The following ZDHHC8 variants were observed in gnomAD, a reference collection of about 807,000 sequenced individuals.
ZDHHC8 encodes zDHHC palmitoyltransferase 8, also known as palmitoyltransferase ZDHHC8.
In ZDHHC8, 24 loss-of-function variants were observed where a neutral mutation model predicts 61.2. That is an observed-to-expected ratio of 0.39 (90% CI 0.28 to 0.55). ZDHHC8 has a LOEUF of 0.55. Ranked by LOEUF, ZDHHC8 falls within the 20% of genes least tolerant of loss-of-function variation. The pLI is 0.60. For synonymous variants in ZDHHC8, 523 were observed against 492.5 expected (o/e 1.06, Z -0.82); for missense variants, 935 against 1,102.1 (o/e 0.85, Z 2.15).
intron 10 of ZDHHC8, among the ~76,000 whole-genome samples, chr22:20,144,555 A>C (rs527991262): frequency 6.0e-4 from 91 of 152,340 alleles, no homozygotes; most frequent in Middle Eastern, 3.4e-3. Flanking sequence ...AGCCCAGCCC[A>C]GGCCACTTGG....
rs1188312119 is a variant in ZDHHC8 at position 20,143,258 on chromosome 22, A to G, written c.1628A>G (p.Asn543Ser). 3 of 1,606,238 alleles carry G rather than the reference A, an allele frequency of 1.9e-6. No homozygotes were observed. The highest frequency in any genetic ancestry group is 1.7e-5 in the Admixed American group (1 of 59,926). ...GAGCCCTCGCCTGTGCGCTACGACA[A>G]CCTGTCCAGGACCATCATGGCATCC... ...PREPSPVRYD[N>S]LSRTIMASIQ... is the part of the protein sequence containing the mutation. Residue 543 changes from asparagine to serine, a missense_variant, in exon 10 of 11, where the codon AAC becomes AGC. Physicochemically the swap from Asn to Ser is conservative, Grantham distance 46. Coordinates refer to ENST00000334554, the MANE Select transcript of ZDHHC8 (RefSeq NM_013373.4).
Position 20,139,650 on chromosome 22 carries a change from G to GCCCCGCGCTC in ZDHHC8, c.384+20_384+29dup. ...ACTGTGTAGAGGTGACCGCCCTGCT[G>GCCCCGCGCTC]CCCCGCGCTCCCCCAGCCCTGTGCC... is the stretch of plus-strand genomic sequence containing the variant. On this transcript the variant is annotated intron_variant, in intron 3 of 10. Transcript: ENST00000334554. 1 of 1,611,676 alleles carries GCCCCGCGCTC rather than the reference G, an allele frequency of 6.2e-7. No homozygotes were observed. The highest frequency in any genetic ancestry group is 8.5e-7 in the Non-Finnish European group (1 of 1,179,686).
chr22:20,140,044 G>A (rs1219784976), intron 4 of ZDHHC8, 71 bp from the exon 5 acceptor site: 3 of 1,595,684 alleles, frequency 1.9e-6, no homozygotes, highest in African/African-American at 2.7e-5. Flanking sequence ...TTTGTCCACA[G>A]GCACCTGCTC....
chr22:20,142,598 T>C (rs2050479862), intron 9 of ZDHHC8, among the ~76,000 whole-genome samples, 158 bp from the exon 10 acceptor site: 2 of 152,142 alleles, frequency 1.3e-5, no homozygotes, highest in South Asian at 4.1e-4. Flanking sequence ...CAGCCGTGGA[T>C]GCTCAGGGAC....
Position 20,135,843 on chromosome 22 carries a change from G to A in ZDHHC8, c.105-3351G>A, listed in dbSNP as rs569707498. ...AGGGCGCAGCAGCTTCTGCCCCGCC[G>A]GTCCCGAGCGCCCCACGGGCGAGTG... On this transcript the variant is annotated intron_variant, in intron 1 of 10. Transcript: ENST00000334554. Among the ~76,000 whole-genome samples the A allele has an allele frequency of 2.5e-3, 383 of 152,384 alleles. 4 individuals carry two copies. The highest frequency in any genetic ancestry group is 8.9e-3 in the African/African-American group (370 of 41,594).
chr22:20,142,926 C>T lies in ZDHHC8; in HGVS notation c.1296C>T (p.Ser432=). 1.9e-6 allele frequency: 3 copies of T among 1,605,886 alleles called. No individual in the cohort carries two copies. The highest frequency in any genetic ancestry group is 2.6e-6 in the Non-Finnish European group (3 of 1,175,618). ...ATGCCTTCTCGGGCGCTTTGCGCTC[C>T]CTGAGCCTCAAGGCCTCGAGCCGGC... ...ASDAFSGALR[S]LSLKASSRRG... is the part of the protein sequence containing the mutation. The change falls in exon 10 of 11, where the codon TCC becomes TCT. Residue 432 remains serine (S), a synonymous_variant. Coordinates refer to ENST00000334554, the MANE Select transcript of ZDHHC8 (RefSeq NM_013373.4).
intron 5 of ZDHHC8, 160 bp downstream of exon 5, chr22:20,140,377 C>T (rs2050457575): frequency 6.1e-6 from 5 of 815,864 alleles, no homozygotes; most frequent in Non-Finnish European, 9.5e-6. Context: ...CTACGCCTGC[C>T]CCGTCCCCTG....
intron 1 of ZDHHC8, among the ~76,000 whole-genome samples, chr22:20,138,903 C>T (rs942297184): frequency 9.2e-5 from 14 of 151,506 alleles, no homozygotes; most frequent in African/African-American, 3.1e-4. Context: ...GAGCCTAGGT[C>T]GCTGGAATGG....
chr22:20,143,600 G>A lies in ZDHHC8; in HGVS notation c.1970G>A (p.Gly657Glu). 1 of 1,601,712 alleles carries A rather than the reference G, an allele frequency of 6.2e-7. No homozygotes were observed. Among genetic ancestry groups the A allele is most frequent in the Non-Finnish European group, 8.5e-7 (1 of 1,178,394 alleles). The change falls in exon 10 of 11, where the codon GGG (glycine) becomes GAG (glutamate). Residue 657 changes from glycine (G) to glutamate (E), a missense_variant. This residue lies in a region of ZDHHC8 where 692 missense variants were observed against 731.4 expected (regional missense o/e 0.95). Transcript: ENST00000334554. ...QADQASSNAP[G>E]PRPSSGSHRS... The stretch of plus-strand genomic sequence containing the variant: ...GATCAGGCCAGCAGCAACGCCCCGG[G>A]GCCCCGGCCCAGCAGTGGCTCACAC...
At position 20,147,065 on chromosome 22, in the gene ZDHHC8, A is replaced by G; in HGVS notation, c.*1665A>G. The G allele has an allele frequency of 6.7e-7, 1 of 1,483,168 alleles. No individual in the cohort carries two copies. Among genetic ancestry groups the G allele is most frequent in the Non-Finnish European group, 9.0e-7 (1 of 1,116,502 alleles). 91.9% of individuals were successfully genotyped at this position (1,483,168 alleles called of 1,614,324 possible). ...ACCCGTGGATGGGGGCGGCGTGGCC[A>G]GCCTTGGGTGCCTCCTGGGCTGCAC... On this transcript the variant is annotated 3_prime_UTR_variant, in exon 11 of 11. Coordinates refer to ENST00000334554, the MANE Select transcript of ZDHHC8 (RefSeq NM_013373.4).
chr22:20,146,600 T>C lies in ZDHHC8; in HGVS notation c.*1200T>C, dbSNP rs2050527281. ...GTTCCTCAGGGGCATTTCTGCCGAC[T>C]TGGGCTGAGTCAGAGGCTTGGGAAG... On this transcript the variant is annotated 3_prime_UTR_variant, in exon 11 of 11. Transcript: ENST00000334554. 3.0e-6 allele frequency: 3 copies of C among 998,010 alleles called. No homozygotes were observed. The highest frequency in any genetic ancestry group is 2.4e-6 in the Non-Finnish European group (2 of 838,740). The allele number at this position is 998,010 out of a possible 1,614,324, so 61.8% of individuals were successfully genotyped here. A position where few individuals can be genotyped will look rare whatever the true frequency, so the allele number is the denominator to read the frequency against.
Position 20,139,715 on chromosome 22 carries a change from C to T in ZDHHC8, c.385-5C>T. 1.2e-6 allele frequency: 2 copies of T among 1,612,184 alleles called. No homozygotes were observed. The highest frequency in any genetic ancestry group is 1.7e-6 in the Non-Finnish European group (2 of 1,180,004). On this transcript the variant is annotated splice_region_variant and splice_polypyrimidine_tract_variant and intron_variant, in intron 3 of 10. Coordinates refer to ENST00000334554, the MANE Select transcript of ZDHHC8 (RefSeq NM_013373.4). ...CATGTGCCCTGATGCACTGCTCCCG[C>T]CCAGGACTTTGACCACCACTGCCCC...
At chr22:20,135,365 C>T (rs946771649) in intron 1 of ZDHHC8, among the ~76,000 whole-genome samples, 1 of 152,158 alleles carries the variant, frequency 6.6e-6, no homozygotes, top group African/African-American at 2.4e-5. Context: ...GCCAGGCTCC[C>T]GACCCTGCCC....
chr22:20,147,076 C>T lies in ZDHHC8; in HGVS notation c.*1676C>T. 4.7e-6 allele frequency: 7 copies of T among 1,503,882 alleles called. No homozygotes were observed. Among genetic ancestry groups the T allele is most frequent in the Non-Finnish European group, 6.2e-6 (7 of 1,126,302 alleles). The allele number at this position is 1,503,882 out of a possible 1,614,324, so 93.2% of individuals were successfully genotyped here. A position where few individuals can be genotyped will look rare whatever the true frequency, so the allele number is the denominator to read the frequency against. Reference sequence around the variant, plus strand: ...GGGGCGGCGTGGCCAGCCTTGGGTGCCTCCTGGGCTGCACCTGTGCCACCT... The same window carrying T: ...GGGGCGGCGTGGCCAGCCTTGGGTGTCTCCTGGGCTGCACCTGTGCCACCT... On this transcript the variant is annotated 3_prime_UTR_variant, in exon 11 of 11. Coordinates refer to ENST00000334554, the MANE Select transcript of ZDHHC8 (RefSeq NM_013373.4).
At position 20,138,479 on chromosome 22, in the gene ZDHHC8, G is replaced by A. The variant is rs1326176908; in HGVS notation, c.105-715G>A. On this transcript the variant is annotated intron_variant, in intron 1 of 10. Transcript: ENST00000334554. ...AGGCGCCTTTCAGGAAGGTGTGTGA[G>A]GGCACACCTTATAGGGAAGCTGCAG... is the stretch of plus-strand genomic sequence containing the variant. Among the ~76,000 whole-genome samples the A allele has an allele frequency of 3.3e-5, 5 of 152,212 alleles. No individual in the cohort carries two copies. The East Asian group carries it at 9.6e-4, about 29-fold the overall frequency.
chr22:20,147,143 G>A lies in ZDHHC8; in HGVS notation c.*1743G>A, dbSNP rs1482152649. 2 of 1,533,272 alleles carry A rather than the reference G, an allele frequency of 1.3e-6. No homozygotes were observed. Among genetic ancestry groups the A allele is most frequent in the East Asian group, 2.5e-5 (1 of 39,490 alleles). The allele number at this position is 1,533,272 out of a possible 1,614,324, so 95.0% of individuals were successfully genotyped here. A position where few individuals can be genotyped will look rare whatever the true frequency, so the allele number is the denominator to read the frequency against. On this transcript the variant is annotated 3_prime_UTR_variant, in exon 11 of 11. Transcript: ENST00000334554. ...CGCCCACCACTGCGGGCCCCCTGGA[G>A]CCAGGCCGCCGGGGCACCCCCACGC... is the stretch of plus-strand genomic sequence containing the variant.
chr22:20,141,070 CAGGTTGGTGGGGG>C (rs1370387493), intron 7 of ZDHHC8, 58 bp downstream of exon 7: 2 of 1,603,494 alleles, frequency 1.2e-6, no homozygotes, highest in African/African-American at 2.7e-5. Flanking sequence ...GGGAAACAGG[CAGGTTGGTGGGGG>C]CCTAGAAGAG....
At chr22:20,142,696 G>T in intron 9 of ZDHHC8, 60 bp from the exon 10 acceptor site, 2 of 1,605,348 alleles carry the variant, frequency 1.2e-6, no homozygotes, top group South Asian at 2.2e-5. Context: ...CGTGGGTGCT[G>T]ACTGGCGGCT....
intron 1 of ZDHHC8, among the ~76,000 whole-genome samples, chr22:20,138,012 TA>T (rs1453219955): frequency 1.3e-5 from 2 of 152,252 alleles, no homozygotes; most frequent in Non-Finnish European, 2.9e-5. Context: ...GCGGAGTCTT[TA>T]AATAGCCTCT....
Sources: gnomAD v4.1 joint callset for allele counts (sites outside exome capture counted in the v4.1 genomes callset) on GRCh38, gnomAD v4.1.1 for gene constraint, gnomAD v4.1.1 regional missense constraint, MANE v1.5 for transcripts, NCBI Gene and HGNC (gene_info 2026-07-23, HGNC 2026-07-21) for gene names.